Variants in FAM234A observed in about 807,000 individuals in gnomAD.
The protein encoded by FAM234A is family with sequence similarity 234 member A.
Under a neutral mutation model 49.1 loss-of-function variants are expected in FAM234A, and 42 were observed. That is an observed-to-expected ratio of 0.86 (90% CI 0.67 to 1.11). FAM234A has a LOEUF of 1.11. Ranked by LOEUF, FAM234A falls within the 50% of genes least tolerant of loss-of-function variation. FAM234A has a pLI of 0.00. For missense variants in FAM234A, 815 were observed against 745.2 expected (o/e 1.09, Z -1.09); for synonymous variants, 369 against 316.2 (o/e 1.17, Z -1.77).
At chr16:266,143 G>A, downstream of FAM234A, 2 of 945,052 alleles carry the variant, frequency 2.1e-6, no homozygotes, top group Non-Finnish European at 2.5e-6. Context: ...CTGCCTGTCT[G>A]TCTGCTCCCT....
chr16:254,908 T>A (rs1567218591), intron 3 of FAM234A, among the ~76,000 whole-genome samples: 2 of 152,168 alleles, frequency 1.3e-5, no homozygotes, highest in African/African-American at 4.8e-5. Context: ...CAGGCTGGAG[T>A]GCACTGGCAC....
intron 1 of FAM234A, among the ~76,000 whole-genome samples, chr16:236,413 A>G (rs981127592): frequency 4.0e-4 from 60 of 151,818 alleles, no homozygotes; most frequent in African/African-American, 1.4e-3. Flanking sequence ...TCACTAGGTC[A>G]AGAGATCGAG....
chr16:254,357 C>T (rs988511056), intron 2 of FAM234A, 24 bp from the exon 3 acceptor site: 16 of 1,593,390 alleles, frequency 1.0e-5, no homozygotes, highest in Middle Eastern at 1.7e-4. Flanking sequence ...CTGGCCTCGC[C>T]GACCTCTTGC....
intron 1 of FAM234A, among the ~76,000 whole-genome samples, chr16:236,389 T>G (rs112045923): frequency 2.1e-5 from 3 of 145,488 alleles, no homozygotes; most frequent in Non-Finnish European, 4.5e-5. Context: ...CTTTGGGAGT[T>G]TGGGGTAGGC....
chr16:242,258 G>A (rs150017967), intron 1 of FAM234A, among the ~76,000 whole-genome samples: 21 of 152,124 alleles, frequency 1.4e-4, no homozygotes, highest in African/African-American at 4.3e-4. Flanking sequence ...TCTATCACCC[G>A]GGCTGGAGTG....
At chr16:239,414 C>A (rs1395553885) in intron 1 of FAM234A, among the ~76,000 whole-genome samples, 2 of 150,754 alleles carry the variant, frequency 1.3e-5, no homozygotes, top group Non-Finnish European at 2.9e-5. Flanking sequence ...GAGATCGAGT[C>A]CATCCTGGCT....
intron 11 of FAM234A, 30 bp from the exon 12 acceptor site, chr16:264,584 C>A: frequency 6.9e-7 from 1 of 1,444,094 alleles, no homozygotes; most frequent in Non-Finnish European, 9.7e-7. Context: ...CAGTGAAGGG[C>A]GTGGGGCCCA....
At chr16:269,295 G>A, downstream of FAM234A, 1 of 1,582,742 alleles carries the variant, frequency 6.3e-7, no homozygotes, top group Non-Finnish European at 8.6e-7. Context: ...CCACCCCCAG[G>A]GCCACAAGCC....
chr16:252,253 C>G (rs376261696), intron 2 of FAM234A, among the ~76,000 whole-genome samples: 146 of 146,426 alleles, frequency 1.0e-3, no homozygotes, highest in African/African-American at 3.6e-3. Context: ...GCGATCTTGG[C>G]TCACTACAAC....
downstream of FAM234A, among the ~76,000 whole-genome samples, chr16:267,532 ACAC>A (rs1224277922): frequency 3.3e-4 from 50 of 151,864 alleles, no homozygotes; most frequent in African/African-American, 1.2e-3. Flanking sequence ...ACGTGCACAC[ACAC>A]CACACATGCA....
chr16:269,105 G>T, downstream of FAM234A: 1 of 903,702 alleles, frequency 1.1e-6, no homozygotes, highest in Non-Finnish European at 1.8e-6. Flanking sequence ...CTTGCTGGAG[G>T]GAGGGAGGCT....
intron 1 of FAM234A, among the ~76,000 whole-genome samples, chr16:235,781 C>G (rs1256438522): frequency 6.6e-6 from 1 of 152,164 alleles, no homozygotes; most frequent in Non-Finnish European, 1.5e-5. Context: ...GGATATAGTA[C>G]TCCACGAAAG....
downstream of FAM234A, among the ~76,000 whole-genome samples, chr16:267,679 C>G (rs1596873687): frequency 6.7e-6 from 1 of 150,040 alleles, no homozygotes; most frequent in East Asian, 2.0e-4. Context: ...CACAGTACAC[C>G]TGCACACGTG....
chr16:269,728 G>C, downstream of FAM234A: 1 of 656,760 alleles, frequency 1.5e-6, no homozygotes. Flanking sequence ...CAGCCGCCTC[G>C]GACCTGCCCA....
chr16:263,541 C>A (rs2051566144), intron 9 of FAM234A, 139 bp downstream of exon 9: 2 of 1,339,690 alleles, frequency 1.5e-6, no homozygotes, highest in Non-Finnish European at 2.1e-6. Context: ...TTGCCTGTCT[C>A]TGGTACTTGC....
At chr16:258,307 C>A (rs529626758) in intron 3 of FAM234A, among the ~76,000 whole-genome samples, 1 of 152,140 alleles carries the variant, frequency 6.6e-6, no homozygotes, top group African/African-American at 2.4e-5. Context: ...TGCGGCCTTC[C>A]GCAGTGTTTG....
Position 265,030 on chromosome 16 carries a change from C to G in FAM234A, c.*8C>G. 6.3e-7 allele frequency: 1 copy of G among 1,589,968 alleles called. No homozygotes were observed. Among genetic ancestry groups the G allele is most frequent in the Non-Finnish European group, 8.6e-7 (1 of 1,165,414 alleles). On this transcript the variant is annotated 3_prime_UTR_variant, in exon 13 of 13. Transcript: ENST00000399932. ...TACCAGAGTGAGGCGTAGAGGCACG[C>G]CAGCCAGAGCCTGTGGAGAGACTCC... is the stretch of plus-strand genomic sequence containing the variant.
chr16:251,679 G>GTTTT (rs1172222528), intron 2 of FAM234A, among the ~76,000 whole-genome samples: 2,144 of 91,090 alleles, frequency 0.024, 377 homozygotes, highest in African/African-American at 0.1. Flanking sequence ...GCCTAGCCAG[G>GTTTT]TTTTTTTTTT....
At chr16:258,884 A>G (rs962747543) in intron 3 of FAM234A, among the ~76,000 whole-genome samples, 1 of 152,052 alleles carries the variant, frequency 6.6e-6, no homozygotes. Context: ...CTGGGTTCAA[A>G]CGATTCTTGT....
Sources: allele counts gnomAD v4.1 joint callset (sites outside exome capture counted in the v4.1 genomes callset), GRCh38; gene constraint gnomAD v4.1.1; transcripts MANE v1.5; gene names NCBI Gene and HGNC (gene_info 2026-07-23, HGNC 2026-07-21).